BET1: variants seen among roughly 807,000 people sequenced by gnomAD.
BET1 encodes the protein Bet1 golgi vesicular membrane trafficking protein.
A neutral mutation model predicts 13.9 loss-of-function variants in BET1; 9 were observed. The observed-to-expected ratio is 0.65, with a 90% CI of 0.39 to 1.13. The LOEUF is 1.13. Ranked by LOEUF, BET1 falls within the 50% of genes most tolerant of loss-of-function variation. The pLI is 0.01. For missense variants in BET1, 127 were observed against 133.6 expected (o/e 0.95, Z 0.24); for synonymous variants, 39 against 47.3 (o/e 0.82, Z 0.72).
At chr7:93,978,068 CTTTG>C (rs1284084176) in intron 4 of BET1, among the ~76,000 whole-genome samples, 8 of 134,664 alleles carry the variant, frequency 5.9e-5, no homozygotes, top group Non-Finnish European at 1.1e-4. Context: ...GCATCTGCAA[CTTTG>C]TTTCTTTTTT....
chr7:93,993,803 T>G lies in BET1; in HGVS notation c.*427A>C. 6.6e-7 allele frequency: 1 copy of G among 1,524,606 alleles called. No individual in the cohort carries two copies. Among genetic ancestry groups the G allele is most frequent in the Non-Finnish European group, 8.8e-7 (1 of 1,142,836 alleles). 94.4% of individuals were successfully genotyped at this position (1,524,606 alleles called of 1,614,324 possible). On this transcript the variant is annotated 3_prime_UTR_variant, in exon 4 of 4. Coordinates refer to ENST00000222547, the MANE Select transcript of BET1 (RefSeq NM_005868.6). ...TTACAGTTGATGCAGTTAGGAAAAT[T>G]CAATTACCATTTTACCACAAACTGG...
At chr7:93,965,545 G>C (rs990225955) in exon 7 of BET1, 2 of 151,964 alleles carry the variant, frequency 1.3e-5, no homozygotes, top group African/African-American at 4.8e-5. Flanking sequence ...TATAGGGCTA[G>C]AAGTGTTGGA....
At chr7:93,967,577 G>A (rs778665666) in intron 6 of BET1, among the ~76,000 whole-genome samples, 6 of 151,744 alleles carry the variant, frequency 4.0e-5, no homozygotes, top group Non-Finnish European at 7.4e-5. Context: ...ACTAAAACCA[G>A]ATTTTATATC....
chr7:93,994,862 A>C (rs1795727581), intron 3 of BET1, among the ~76,000 whole-genome samples: 1 of 131,908 alleles, frequency 7.6e-6, no homozygotes. Flanking sequence ...TTATTTATTT[A>C]GAGACGGAGT....
At chr7:93,991,852 C>A (rs1277644816), downstream of BET1, 23 of 971,384 alleles carry the variant, frequency 2.4e-5, no homozygotes, top group Non-Finnish European at 2.8e-5. Flanking sequence ...CTGCATAAAC[C>A]CAAATTATCA....
At chr7:94,002,101 T>G (rs572939876) in intron 1 of BET1, among the ~76,000 whole-genome samples, 2 of 152,286 alleles carry the variant, frequency 1.3e-5, no homozygotes, top group East Asian at 3.9e-4. Context: ...CAAAGCCACT[T>G]CTCTTCTGGT....
rs181592536 is a variant in BET1, at chr7:93,996,817, G to A, written c.145-496C>T. On this transcript the variant is annotated intron_variant, in intron 2 of 3. Coordinates refer to ENST00000222547, the MANE Select transcript of BET1 (RefSeq NM_005868.6). Reference sequence around the variant, plus strand: ...ATGGATTTGTTGTACGGATTATTTCGTCAACCAAGAATTAAGCCTAGTACC... The same window carrying A: ...ATGGATTTGTTGTACGGATTATTTCATCAACCAAGAATTAAGCCTAGTACC... Among the ~76,000 whole-genome samples the A allele has an allele frequency of 4.6e-5, 7 of 151,500 alleles. No individual in the cohort carries two copies. In the East Asian group the frequency reaches 7.7e-4, roughly 17 times the overall value.
At chr7:93,964,496 T>G (rs969165588) in exon 7 of BET1, 3 of 152,122 alleles carry the variant, frequency 2.0e-5, no homozygotes, top group African/African-American at 7.2e-5. Context: ...GTACCACATT[T>G]TCTTTATCCA....
At chr7:93,971,186 G>A (rs749364280) in intron 6 of BET1, among the ~76,000 whole-genome samples, 2 of 151,674 alleles carry the variant, frequency 1.3e-5, no homozygotes, top group Admixed American at 6.6e-5. Flanking sequence ...AATACCTATA[G>A]AATACAATAT....
At position 93,988,115 on chromosome 7, in the gene BET1, C is replaced by G. The variant is rs143388812; in HGVS notation, c.235+6237G>C. Among the ~76,000 whole-genome samples, 501 of 152,264 alleles carry G rather than the reference C, an allele frequency of 3.3e-3. 1 individual carries two copies. The highest frequency in any genetic ancestry group is 4.8e-3 in the Non-Finnish European group (327 of 68,018). ...AGAGGTGATTAAAAAGATATGTTCT[C>G]TAGCAGAAAAGATGAAAACCAAAGC... is the stretch of plus-strand genomic sequence containing the variant. On this transcript the variant is annotated intron_variant and NMD_transcript_variant, in intron 4 of 6. Coordinates refer to the BET1 transcript ENST00000357520.
chr7:93,984,059 G>A (rs980757959), intron 4 of BET1, among the ~76,000 whole-genome samples: 2 of 152,174 alleles, frequency 1.3e-5, no homozygotes, highest in Non-Finnish European at 2.9e-5. Context: ...TCAAAATCAA[G>A]ATGTTGGCAA....
intron 2 of BET1, among the ~76,000 whole-genome samples, chr7:93,996,962 T>TA (rs11458546): frequency 0.5 from 76,225 of 151,336 alleles, 20,854 homozygotes; most frequent in African/African-American, 0.73. Context: ...CTAAACTGAT[T>TA]TTTCCTTAGT....
At chr7:93,972,586 CAG>C (rs1795273783) in exon 6 of BET1, 1 of 151,758 alleles carries the variant, frequency 6.6e-6, no homozygotes, top group Non-Finnish European at 1.5e-5. Context: ...TCTCTGGCTC[CAG>C]ACTTTGATGT....
At chr7:93,987,790 A>T (rs546520772) in intron 4 of BET1, among the ~76,000 whole-genome samples, 6 of 152,334 alleles carry the variant, frequency 3.9e-5, no homozygotes, top group Admixed American at 3.9e-4. Context: ...ATGGAAGAGG[A>T]AGAATATTAA....
chr7:93,992,023 C>T, downstream of BET1: 1 of 985,280 alleles, frequency 1.0e-6, no homozygotes, highest in Non-Finnish European at 1.2e-6. Flanking sequence ...TAAAATGTTG[C>T]ATATTTGTTT....
intron 3 of BET1, among the ~76,000 whole-genome samples, 185 bp from the exon 4 acceptor site, chr7:93,994,570 T>C (rs1309291149): frequency 2.6e-5 from 4 of 152,214 alleles, no homozygotes; most frequent in South Asian, 2.1e-4. Flanking sequence ...AATACAGTAA[T>C]ACTCTCAGCG....
At chr7:93,999,801 G>A in intron 1 of BET1, 2 of 418,260 alleles carry the variant, frequency 4.8e-6, no homozygotes, top group Admixed American at 2.9e-5. Context: ...CAGGGAGGGG[G>A]CAAACTGAAG....
At chr7:93,963,369 C>A (rs1284615143) in exon 7 of BET1, 1 of 151,806 alleles carries the variant, frequency 6.6e-6, no homozygotes, top group African/African-American at 2.4e-5. Context: ...TAGACATTTC[C>A]TAAAACTCTT....
intron 4 of BET1, among the ~76,000 whole-genome samples, chr7:93,976,284 T>C (rs1795334572): frequency 6.6e-6 from 1 of 152,082 alleles, no homozygotes; most frequent in Admixed American, 6.6e-5. Context: ...CCTGCTTCCC[T>C]CCAACCCCTT....
Sources: allele counts gnomAD v4.1 joint callset (sites outside exome capture counted in the v4.1 genomes callset), GRCh38; gene constraint gnomAD v4.1.1; transcripts MANE v1.5; gene names NCBI Gene and HGNC (gene_info 2026-07-23, HGNC 2026-07-21).